The following C12orf42 variants were observed in gnomAD, a reference collection of about 807,000 sequenced individuals.
C12orf42 encodes the protein chromosome 12 open reading frame 42, also known as uncharacterized protein C12orf42.
C12orf42 carries 25 observed loss-of-function variants against 21.6 expected under a neutral mutation model. That is an observed-to-expected ratio of 1.16 (90% CI 0.84 to 1.62). The LOEUF is 1.62. Ranked by LOEUF, C12orf42 falls within the 40% of genes most tolerant of loss-of-function variation. C12orf42 has a pLI of 0.00. For synonymous variants in C12orf42, 174 were observed against 175.0 expected (o/e 0.99, Z 0.05); for missense variants, 483 against 459.3 (o/e 1.05, Z -0.47).
intron 5 of C12orf42, among the ~76,000 whole-genome samples, chr12:103,276,568 G>A (rs534499231): frequency 1.8e-4 from 27 of 152,150 alleles, no homozygotes; most frequent in Non-Finnish European, 2.8e-4. Flanking sequence ...ATAAGAAGGC[G>A]AGGTATCAGC....
At chr12:103,052,245 C>T in the C12orf42 span, among the ~76,000 whole-genome samples, 1 of 151,934 alleles carries the variant, frequency 6.6e-6, no homozygotes, top group Non-Finnish European at 1.5e-5. Flanking sequence ...ACACAGATAA[C>T]CAGGTTTATA....
chr12:103,214,806 C>T, the C12orf42 span, among the ~76,000 whole-genome samples: 1 of 152,166 alleles, frequency 6.6e-6, no homozygotes, highest in Non-Finnish European at 1.5e-5. Flanking sequence ...TCTTTCCAAG[C>T]TTGGCCCATG....
chr12:103,227,356 G>A, the C12orf42 span, among the ~76,000 whole-genome samples: 4 of 151,854 alleles, frequency 2.6e-5, no homozygotes, highest in African/African-American at 7.3e-5. Context: ...GAGATAAGAG[G>A]TCGGGGTGAG....
the C12orf42 span, among the ~76,000 whole-genome samples, chr12:103,553,099 T>C: frequency 6.6e-6 from 1 of 152,136 alleles, no homozygotes; most frequent in Admixed American, 6.5e-5. Context: ...AGGAGCTGAG[T>C]AATTATTTGT....
At chr12:103,272,128 G>C (rs879345986) in intron 5 of C12orf42, among the ~76,000 whole-genome samples, 1 of 152,158 alleles carries the variant, frequency 6.6e-6, no homozygotes, top group African/African-American at 2.4e-5. Context: ...TATGGAAATA[G>C]AGTGACTAAA....
chr12:103,419,842 T>G (rs2049712588), intron 2 of C12orf42, among the ~76,000 whole-genome samples: 1 of 152,150 alleles, frequency 6.6e-6, no homozygotes, highest in Non-Finnish European at 1.5e-5. Context: ...TGCCTCCAGT[T>G]TCAGTCAAGC....
chr12:103,078,010 T>A, the C12orf42 span, among the ~76,000 whole-genome samples: 1 of 152,152 alleles, frequency 6.6e-6, no homozygotes, highest in South Asian at 2.1e-4. Flanking sequence ...ATTTGCTCAA[T>A]ATTAAAGCAG....
chr12:103,276,148 TA>T (rs151315257), intron 5 of C12orf42, among the ~76,000 whole-genome samples: 28 of 152,246 alleles, frequency 1.8e-4, no homozygotes, highest in African/African-American at 6.3e-4. Flanking sequence ...AGTAGACATA[TA>T]GGGGGAAAAA....
the C12orf42 span, among the ~76,000 whole-genome samples, chr12:103,064,634 C>T: frequency 5.3e-5 from 8 of 152,220 alleles, no homozygotes; most frequent in African/African-American, 7.2e-5. Flanking sequence ...AAGGGGAGGC[C>T]GGGTCCCCTT....
chr12:103,369,686 G>A (rs567028790), intron 3 of C12orf42, among the ~76,000 whole-genome samples: 1 of 152,144 alleles, frequency 6.6e-6, no homozygotes, highest in African/African-American at 2.4e-5. Context: ...AAAGATATTG[G>A]ATAAACAATA....
At chr12:103,393,025 A>G (rs1302505809) in intron 3 of C12orf42, among the ~76,000 whole-genome samples, 2 of 151,550 alleles carry the variant, frequency 1.3e-5, no homozygotes, top group Non-Finnish European at 2.9e-5. Flanking sequence ...TTTCTTGTCT[A>G]CTCCTCCTGA....
chr12:103,498,863 G>T (rs1411910424), upstream of C12orf42, among the ~76,000 whole-genome samples: 1 of 139,944 alleles, frequency 7.1e-6, no homozygotes, highest in Non-Finnish European at 1.5e-5. Flanking sequence ...ATGCACTGGG[G>T]CCTGTTGGGG....
intron 4 of C12orf42, among the ~76,000 whole-genome samples, chr12:103,320,843 G>A (rs550526260): frequency 4.1e-4 from 62 of 152,128 alleles, no homozygotes; most frequent in African/African-American, 1.4e-3. Context: ...ATTTCTTGCT[G>A]TATCCTCATT....
chr12:103,360,932 GA>G (rs1382685823), intron 4 of C12orf42, among the ~76,000 whole-genome samples: 1 of 152,036 alleles, frequency 6.6e-6, no homozygotes, highest in Non-Finnish European at 1.5e-5. Context: ...TGAGGCTCTG[GA>G]TTCCAGTACC....
chr12:103,258,085 C>G (rs1379549670), intron 10 of C12orf42, among the ~76,000 whole-genome samples: 2 of 151,984 alleles, frequency 1.3e-5, no homozygotes, highest in Non-Finnish European at 2.9e-5. Flanking sequence ...AAAGTATAAG[C>G]TCAGAGTTTT....
intron 5 of C12orf42, among the ~76,000 whole-genome samples, chr12:103,305,594 G>C (rs1048449094): frequency 1.3e-5 from 2 of 152,076 alleles, no homozygotes; most frequent in African/African-American, 4.8e-5. Context: ...TTCCTTGTCT[G>C]TAAAATGGGG....
At chr12:103,335,884 C>T (rs1199103991) in intron 4 of C12orf42, among the ~76,000 whole-genome samples, 1 of 152,176 alleles carries the variant, frequency 6.6e-6, no homozygotes, top group African/African-American at 2.4e-5. Flanking sequence ...GACACAATGA[C>T]AACTGTTATT....
At chr12:103,193,187 A>G in the C12orf42 span, among the ~76,000 whole-genome samples, 1 of 152,026 alleles carries the variant, frequency 6.6e-6, no homozygotes, top group East Asian at 1.9e-4. Flanking sequence ...ATATCTTCAG[A>G]CGAACAAAAA....
chr12:103,528,871 T>C, the C12orf42 span, among the ~76,000 whole-genome samples: 1 of 152,184 alleles, frequency 6.6e-6, no homozygotes, highest in African/African-American at 2.4e-5. Flanking sequence ...CTAATAACTG[T>C]TTGGGGCAAG....
Sources: allele counts gnomAD v4.1 joint callset (sites outside exome capture counted in the v4.1 genomes callset), GRCh38; gene constraint gnomAD v4.1.1; transcripts MANE v1.5; gene names NCBI Gene and HGNC (gene_info 2026-07-23, HGNC 2026-07-21).